EXT1: variants seen among roughly 807,000 people sequenced by gnomAD.
EXT1 encodes exostosin-1.
EXT1 carries 20 observed loss-of-function variants against 82.5 expected under a neutral mutation model. That is an observed-to-expected ratio of 0.24 (90% CI 0.17 to 0.35). The LOEUF (loss-of-function observed/expected upper bound fraction) is 0.35, where lower values mean the gene tolerates loss of function less well. EXT1 is among the 10% of genes least tolerant of loss of function. The probability of loss-of-function intolerance (pLI) is 1.00; values close to 1 mark genes in which losing one functional copy is unlikely to be tolerated. For synonymous variants in EXT1, 348 were observed against 350.8 expected, an observed-to-expected ratio of 0.99 and a Z score of 0.09; for missense variants, 757 against 936.5, an observed-to-expected ratio of 0.81 and a Z score of 2.50.
chr8:117,928,818 T>C (rs2129644545), intron 1 of EXT1, among the ~76,000 whole-genome samples: 1 of 152,176 alleles, frequency 6.6e-6, no homozygotes, highest in Admixed American at 6.5e-5. Flanking sequence ...TTTTTTACTT[T>C]TAGAGAAAAG....
At chr8:118,026,144 G>A (rs1816197371) in intron 1 of EXT1, among the ~76,000 whole-genome samples, 2 of 152,198 alleles carry the variant, frequency 1.3e-5, no homozygotes, top group South Asian at 4.1e-4. Flanking sequence ...GACACAAGAC[G>A]CAATGGCAAG....
rs187768723 is a variant in EXT1, at chr8:117,855,970, G to A, written c.963-18769C>T. On this transcript the variant is annotated intron_variant, in intron 1 of 10. Transcript: ENST00000378204. Reference sequence around the variant, plus strand: ...CAGGCGTAAGCCACCATGCCCGGCCGCATCTCTCTTTAAATCCAAGGCTAG... The same window carrying A: ...CAGGCGTAAGCCACCATGCCCGGCCACATCTCTCTTTAAATCCAAGGCTAG... Among the ~76,000 whole-genome samples, 9 of 152,024 alleles carry A rather than the reference G, an allele frequency of 5.9e-5. No individual in the cohort carries two copies. In the South Asian group the frequency reaches 6.2e-4, roughly 11 times the overall value.
At chr8:117,978,392 C>T (rs1246524066) in intron 1 of EXT1, among the ~76,000 whole-genome samples, 1 of 152,184 alleles carries the variant, frequency 6.6e-6, no homozygotes, top group African/African-American at 2.4e-5. Context: ...TCCCCATCCT[C>T]CATCTGCAGG....
chr8:118,034,208 T>C (rs1586354890), intron 1 of EXT1, among the ~76,000 whole-genome samples: 1 of 152,338 alleles, frequency 6.6e-6, no homozygotes, highest in Admixed American at 6.5e-5. Flanking sequence ...CTTGATACAG[T>C]TGCTGGAAGT....
chr8:118,012,810 G>T (rs998249314), intron 1 of EXT1, among the ~76,000 whole-genome samples: 4 of 152,160 alleles, frequency 2.6e-5, no homozygotes, highest in African/African-American at 9.7e-5. Flanking sequence ...AAGACCCCAG[G>T]AGGTTCTGTT....
At chr8:118,002,624 C>G (rs1815696036) in intron 1 of EXT1, among the ~76,000 whole-genome samples, 1 of 148,826 alleles carries the variant, frequency 6.7e-6, no homozygotes, top group Non-Finnish European at 1.5e-5. Context: ...CTCCACCTCC[C>G]AGATTCACCC....
intron 1 of EXT1, among the ~76,000 whole-genome samples, chr8:118,107,746 T>A (rs1817825353): frequency 6.6e-6 from 1 of 152,188 alleles, no homozygotes; most frequent in African/African-American, 2.4e-5. Flanking sequence ...GTAAGCACCA[T>A]TTCTCAAAGA....
At chr8:117,941,646 G>C (rs149611864) in intron 1 of EXT1, among the ~76,000 whole-genome samples, 1 of 152,308 alleles carries the variant, frequency 6.6e-6, no homozygotes, top group African/African-American at 2.4e-5. Flanking sequence ...TAAGAGACCT[G>C]GCACAGAAGA....
At chr8:117,998,614 A>G (rs1395564680) in intron 1 of EXT1, among the ~76,000 whole-genome samples, 1 of 152,166 alleles carries the variant, frequency 6.6e-6, no homozygotes. Flanking sequence ...TTAAGGAGGA[A>G]TTTGCCTCTT....
chr8:118,108,509 T>C (rs982745043), intron 1 of EXT1, among the ~76,000 whole-genome samples: 2 of 152,236 alleles, frequency 1.3e-5, no homozygotes, highest in African/African-American at 4.8e-5. Flanking sequence ...ATAGTTTAAA[T>C]GTCTTTTATG....
intron 1 of EXT1, among the ~76,000 whole-genome samples, chr8:118,052,470 T>G (rs1162866144): frequency 2.0e-5 from 3 of 152,210 alleles, no homozygotes; most frequent in Non-Finnish European, 4.4e-5. Flanking sequence ...AGCAGTACAT[T>G]TAACAAGAAT....
At chr8:117,987,381 T>G (rs887082200) in intron 1 of EXT1, among the ~76,000 whole-genome samples, 1 of 152,022 alleles carries the variant, frequency 6.6e-6, no homozygotes, top group African/African-American at 2.4e-5. Flanking sequence ...ATGGCAAGGG[T>G]TGGGGAGAAC....
chr8:117,957,129 G>C (rs1040057891), intron 1 of EXT1, among the ~76,000 whole-genome samples: 1 of 152,178 alleles, frequency 6.6e-6, no homozygotes, highest in African/African-American at 2.4e-5. Flanking sequence ...GAGTCACCAA[G>C]AGTTACACAC....
intron 9 of EXT1, among the ~76,000 whole-genome samples, chr8:117,806,495 C>T (rs949504656): frequency 7.9e-5 from 12 of 152,230 alleles, no homozygotes; most frequent in South Asian, 2.1e-4. Flanking sequence ...ACATCAAGGT[C>T]GTGCATCCAT....
At chr8:117,815,207 C>T (rs1372780612) in intron 7 of EXT1, among the ~76,000 whole-genome samples, 1 of 152,156 alleles carries the variant, frequency 6.6e-6, no homozygotes, top group Non-Finnish European at 1.5e-5. Context: ...CTGACCTTTC[C>T]CTTGTTAAGC....
At chr8:118,098,751 T>C (rs1468746825) in intron 1 of EXT1, among the ~76,000 whole-genome samples, 1 of 102,830 alleles carries the variant, frequency 9.7e-6, no homozygotes, top group African/African-American at 3.3e-5. Flanking sequence ...AGAGCAAGAC[T>C]CTGTCTCAAA....
At chr8:118,017,625 T>C (rs1476135764) in intron 1 of EXT1, among the ~76,000 whole-genome samples, 6 of 152,198 alleles carry the variant, frequency 3.9e-5, no homozygotes, top group Non-Finnish European at 8.8e-5. Flanking sequence ...AGATATCAGG[T>C]AGAAAATCTC....
chr8:117,860,003 C>T (rs1812651756), intron 1 of EXT1, among the ~76,000 whole-genome samples: 1 of 151,830 alleles, frequency 6.6e-6, no homozygotes, highest in Admixed American at 6.6e-5. Context: ...AAAAATTAGC[C>T]GGATATGGTG....
intron 1 of EXT1, among the ~76,000 whole-genome samples, chr8:118,027,554 T>C (rs147643566): frequency 6.6e-6 from 1 of 152,302 alleles, no homozygotes. Flanking sequence ...TCAGCTTACA[T>C]AAAATGTGGG....
Sources: allele counts gnomAD v4.1 joint callset (sites outside exome capture counted in the v4.1 genomes callset), GRCh38; gene constraint gnomAD v4.1.1; transcripts MANE v1.5; gene names NCBI Gene and HGNC (gene_info 2026-07-23, HGNC 2026-07-21).